The following PHF24 variants were observed in gnomAD, a reference collection of about 807,000 sequenced individuals.
PHF24 encodes the protein Galpha inhibitory interacting protein.
In PHF24, 25 loss-of-function variants were observed where a neutral mutation model predicts 42.6. That is an observed-to-expected ratio of 0.59 (90% CI 0.43 to 0.82). The LOEUF (loss-of-function observed/expected upper bound fraction) is 0.82. PHF24 is among the 40% of genes least tolerant of loss of function. The pLI is 0.00. For synonymous variants in PHF24, 185 were observed against 204.8 expected (o/e 0.90, Z 0.83); for missense variants, 470 against 538.1 (o/e 0.87, Z 1.25).
At chr9:34,872,449 A>G in the PHF24 span, among the ~76,000 whole-genome samples, 1 of 148,808 alleles carries the variant, frequency 6.7e-6, no homozygotes, top group Non-Finnish European at 1.5e-5. Context: ...GAGTGAGAAT[A>G]TGCGGTGTCT....
the PHF24 span, among the ~76,000 whole-genome samples, chr9:34,859,375 A>G: frequency 1.7e-4 from 26 of 152,200 alleles, no homozygotes; most frequent in African/African-American, 5.3e-4. Context: ...AATTGAAAAC[A>G]GGGCTGCCAC....
At chr9:34,909,149 T>G in the PHF24 span, among the ~76,000 whole-genome samples, 1 of 151,882 alleles carries the variant, frequency 6.6e-6, no homozygotes, top group Non-Finnish European at 1.5e-5. Context: ...CCCGGCCCCC[T>G]TTTTCTCTTT....
the PHF24 span, among the ~76,000 whole-genome samples, chr9:34,732,720 T>C: frequency 6.6e-6 from 1 of 152,178 alleles, no homozygotes; most frequent in Non-Finnish European, 1.5e-5. Context: ...TCCTGGAGAG[T>C]TTCCTCAATA....
At chr9:34,689,422 C>A in the PHF24 span, 3 of 203,640 alleles carry the variant, frequency 1.5e-5, no homozygotes, top group Admixed American at 1.6e-4. This position sits in a 1 kb window ranked among gnomAD's most constrained non-coding sequence, Gnocchi z 4.1. Context: ...ATTCCACCTC[C>A]CCCTTCCTAT....
chr9:34,852,316 T>C, the PHF24 span, among the ~76,000 whole-genome samples: 3 of 152,366 alleles, frequency 2.0e-5, no homozygotes, highest in East Asian at 3.9e-4. Flanking sequence ...TCCAAAGTTA[T>C]ATGCAGATTT....
the PHF24 span, among the ~76,000 whole-genome samples, chr9:34,822,653 C>G: frequency 1.3e-5 from 2 of 152,124 alleles, no homozygotes; most frequent in East Asian, 3.9e-4. Flanking sequence ...ATGACAGTTT[C>G]CAAAACTTGG....
the PHF24 span, among the ~76,000 whole-genome samples, chr9:34,794,429 G>A: frequency 1.2e-3 from 187 of 152,210 alleles, 1 homozygote; most frequent in Non-Finnish European, 1.6e-3. Flanking sequence ...ACAATGCAAA[G>A]TTATTCAACA....
At chr9:34,896,447 A>G in the PHF24 span, among the ~76,000 whole-genome samples, 1 of 152,264 alleles carries the variant, frequency 6.6e-6, no homozygotes, top group East Asian at 1.9e-4. Flanking sequence ...TGTAAGCACT[A>G]CCTTTCATGG....
the PHF24 span, chr9:34,922,068 A>G: frequency 1.1e-6 from 1 of 919,012 alleles, no homozygotes; most frequent in East Asian, 2.4e-5. Context: ...AGAAATTCAA[A>G]TAGAAGTAAC....
the PHF24 span, among the ~76,000 whole-genome samples, chr9:34,869,801 T>C: frequency 0.46 from 69,857 of 151,936 alleles, 16,937 homozygotes; most frequent in Non-Finnish European, 0.54. Flanking sequence ...TATAGCCAGA[T>C]GACCCTAATC....
chr9:34,709,179 T>C, the PHF24 span: 1 of 613,946 alleles, frequency 1.6e-6, no homozygotes. Flanking sequence ...CTCCTCGGTC[T>C]CTCTGGACCT....
At chr9:34,922,831 C>G in the PHF24 span, 1 of 1,591,546 alleles carries the variant, frequency 6.3e-7, no homozygotes, top group Admixed American at 1.7e-5. Flanking sequence ...GCTCCTTGCT[C>G]AGTTACAGAC....
chr9:34,817,695 A>G, the PHF24 span, among the ~76,000 whole-genome samples: 1 of 152,224 alleles, frequency 6.6e-6, no homozygotes, highest in African/African-American at 2.4e-5. Context: ...TTTAAAGAAC[A>G]GAAGTTCTTA....
the PHF24 span, among the ~76,000 whole-genome samples, chr9:34,867,971 T>C: frequency 6.6e-6 from 1 of 152,188 alleles, no homozygotes. Context: ...GGACACAACA[T>C]AAATGCAGGG....
the PHF24 span, among the ~76,000 whole-genome samples, chr9:34,736,524 C>A: frequency 4.9e-4 from 75 of 152,116 alleles, no homozygotes; most frequent in Non-Finnish European, 9.1e-4. Flanking sequence ...CCAGGCTGGT[C>A]TTGAATTCCT....
chr9:34,673,814 G>T, the PHF24 span, among the ~76,000 whole-genome samples: 5 of 152,058 alleles, frequency 3.3e-5, no homozygotes, highest in Admixed American at 3.3e-4. Flanking sequence ...GTAGAGACGG[G>T]GTTTCACCAT....
chr9:34,857,312 A>G, the PHF24 span, among the ~76,000 whole-genome samples: 1 of 152,218 alleles, frequency 6.6e-6, no homozygotes, highest in Non-Finnish European at 1.5e-5. Context: ...GTGCACGGAC[A>G]GAATTCCTGT....
chr9:34,930,578 G>A, the PHF24 span, among the ~76,000 whole-genome samples: 1 of 152,160 alleles, frequency 6.6e-6, no homozygotes, highest in African/African-American at 2.4e-5. Context: ...ACAAAGATCA[G>A]GGACATTTAC....
the PHF24 span, among the ~76,000 whole-genome samples, chr9:34,791,975 T>G: frequency 6.6e-6 from 1 of 152,216 alleles, no homozygotes; most frequent in Non-Finnish European, 1.5e-5. Flanking sequence ...TAAGAGGGAC[T>G]GTAGAATAAA....
Sources: allele counts gnomAD v4.1 joint callset (sites outside exome capture counted in the v4.1 genomes callset), GRCh38; gene constraint gnomAD v4.1.1; non-coding constraint Gnocchi (gnomAD v3.1); transcripts MANE v1.5; gene names NCBI Gene and HGNC (gene_info 2026-07-23, HGNC 2026-07-21).